GABRB1: variants seen among roughly 807,000 people sequenced by gnomAD.
The protein encoded by GABRB1 is gamma-aminobutyric acid receptor subunit beta-1.
In GABRB1, 17 loss-of-function variants were observed where a neutral mutation model predicts 51.6. The observed-to-expected ratio is 0.33, with a 90% confidence interval of 0.23 to 0.49. The LOEUF (loss-of-function observed/expected upper bound fraction) is 0.49, where lower values mean the gene tolerates loss of function less well. Among genes scored for constraint, GABRB1 ranks in the 20% least tolerant of loss-of-function variants. GABRB1 has a pLI of 0.99. For synonymous variants in GABRB1, 247 were observed against 218.9 expected, an observed-to-expected ratio of 1.13 and a Z score of -1.14; for missense variants, 410 against 600.6, an observed-to-expected ratio of 0.68 and a Z score of 3.32.
chr4:47,425,477 TGATGATA>T (rs1347722785), intron 8 of GABRB1, among the ~76,000 whole-genome samples, 190 bp from the exon 9 acceptor site: 15 of 94,114 alleles, frequency 1.6e-4, no homozygotes, highest in African/African-American at 5.5e-4. Flanking sequence ...GGATGGATGA[TGATGATA>T]GATAGATAGA....
chr4:47,166,897 T>C (rs1718214145), intron 4 of GABRB1, among the ~76,000 whole-genome samples: 1 of 152,142 alleles, frequency 6.6e-6, no homozygotes. Flanking sequence ...ATGAGAACTT[T>C]CACAGTTTTC....
At chr4:47,029,671 T>C (rs1725222859), upstream of GABRB1, among the ~76,000 whole-genome samples, 1 of 151,972 alleles carries the variant, frequency 6.6e-6, no homozygotes, top group Non-Finnish European at 1.5e-5. Flanking sequence ...GTTTTGAAAG[T>C]TTTGTTTTTT....
rs749558099 is a variant in GABRB1, at chr4:47,267,991, C to T, written c.462-52136C>T. Among the ~76,000 whole-genome samples the T allele has an allele frequency of 2.7e-4, 41 of 151,960 alleles. 1 individual carries two copies. Among genetic ancestry groups the T allele is most frequent in the Admixed American group, 5.2e-4 (8 of 15,256 alleles). ...AAGATAAAAAAATTTCAGAGAGGTT[C>T]CAGGAAGAAAACTTAAATCATATTC... is the stretch of plus-strand genomic sequence containing the variant. On this transcript the variant is annotated intron_variant, in intron 4 of 8. Coordinates refer to ENST00000295454, the MANE Select transcript of GABRB1 (RefSeq NM_000812.4).
intron 3 of GABRB1, among the ~76,000 whole-genome samples, chr4:47,061,992 G>C (rs1389651932): frequency 6.6e-6 from 1 of 152,172 alleles, no homozygotes; most frequent in Non-Finnish European, 1.5e-5. Context: ...AGATAGATCA[G>C]TGTCATATTT....
Position 47,235,427 on chromosome 4 carries a change from T to C in GABRB1, c.461+73958T>C, listed in dbSNP as rs189729106. The stretch of plus-strand genomic sequence containing the variant: ...AGCTGGGCGTGGTGGCACATGCCTG[T>C]AATTCCAGCTACTCAGGAGGGTGAG... On this transcript the variant is annotated intron_variant, in intron 4 of 8. Coordinates refer to ENST00000295454, the MANE Select transcript of GABRB1 (RefSeq NM_000812.4). Among the ~76,000 whole-genome samples, 6 of 152,204 alleles carry C rather than the reference T, an allele frequency of 3.9e-5. No individual in the cohort carries two copies. The East Asian group carries it at 1.2e-3, about 30-fold the overall frequency.
At chr4:47,348,682 T>C (rs998992927) in intron 5 of GABRB1, among the ~76,000 whole-genome samples, 2 of 152,218 alleles carry the variant, frequency 1.3e-5, no homozygotes, top group African/African-American at 4.8e-5. Context: ...AGAAGTTTTG[T>C]CTTTATCCTA....
At chr4:47,355,660 C>T (rs1396958270) in intron 5 of GABRB1, among the ~76,000 whole-genome samples, 2 of 152,244 alleles carry the variant, frequency 1.3e-5, no homozygotes, top group Middle Eastern at 3.4e-3. Flanking sequence ...AACATTTCTT[C>T]CCTGGGTTTC....
At chr4:47,104,927 G>A (rs933936933) in intron 3 of GABRB1, among the ~76,000 whole-genome samples, 24 of 151,746 alleles carry the variant, frequency 1.6e-4, no homozygotes, top group African/African-American at 5.3e-4. Flanking sequence ...ATCTATATCT[G>A]GTCCTATACA....
At chr4:47,266,129 T>C (rs1033060460) in intron 4 of GABRB1, among the ~76,000 whole-genome samples, 2 of 152,110 alleles carry the variant, frequency 1.3e-5, no homozygotes, top group African/African-American at 4.8e-5. Flanking sequence ...TACTGAGAGA[T>C]ATGAGAGCAG....
intron 4 of GABRB1, among the ~76,000 whole-genome samples, chr4:47,239,918 A>G (rs1217541893): frequency 6.6e-6 from 1 of 152,144 alleles, no homozygotes; most frequent in Non-Finnish European, 1.5e-5. Context: ...AAGGCAATCA[A>G]CTTCATGTAC....
chr4:47,356,390 A>G (rs1460611202), intron 5 of GABRB1, among the ~76,000 whole-genome samples: 1 of 152,230 alleles, frequency 6.6e-6, no homozygotes, highest in Non-Finnish European at 1.5e-5. Context: ...CTATTACAAA[A>G]GCATTCTCTG....
intron 4 of GABRB1, among the ~76,000 whole-genome samples, chr4:47,221,802 T>C (rs1180035871): frequency 6.6e-6 from 1 of 152,096 alleles, no homozygotes. Flanking sequence ...AACAGACCAA[T>C]ACATTTTCTT....
intron 3 of GABRB1, among the ~76,000 whole-genome samples, chr4:47,065,550 C>T (rs946647729): frequency 1.3e-5 from 2 of 152,242 alleles, no homozygotes; most frequent in East Asian, 1.9e-4. Context: ...CCTTTAGATA[C>T]TTCAGAATTG....
At chr4:47,014,460 AT>A (rs753735175) in intron 1 of GABRB1, among the ~76,000 whole-genome samples, 4 of 151,862 alleles carry the variant, frequency 2.6e-5, no homozygotes, top group Non-Finnish European at 2.9e-5. Flanking sequence ...TATAAAGCAA[AT>A]TTTTTTTCCT....
At chr4:47,118,316 G>A (rs1715597013) in intron 3 of GABRB1, among the ~76,000 whole-genome samples, 1 of 152,088 alleles carries the variant, frequency 6.6e-6, no homozygotes, top group African/African-American at 2.4e-5. Context: ...TATAACTAAA[G>A]AGACTCATTC....
intron 3 of GABRB1, among the ~76,000 whole-genome samples, chr4:47,149,618 A>T (rs749318886): frequency 1.3e-5 from 2 of 152,006 alleles, no homozygotes; most frequent in African/African-American, 2.4e-5. Flanking sequence ...CCATGCCATT[A>T]GTATGGAGGT....
At chr4:47,268,592 C>T (rs1431708515) in intron 4 of GABRB1, among the ~76,000 whole-genome samples, 1 of 152,120 alleles carries the variant, frequency 6.6e-6, no homozygotes, top group Non-Finnish European at 1.5e-5. Flanking sequence ...TCATAATCCC[C>T]ATTACTTAGT....
At chr4:47,334,807 A>T (rs1163467545) in intron 5 of GABRB1, among the ~76,000 whole-genome samples, 2 of 152,160 alleles carry the variant, frequency 1.3e-5, no homozygotes, top group Admixed American at 6.6e-5. Context: ...GAATTCTGAA[A>T]AGCATTTATC....
At chr4:47,062,690 C>T (rs1726893170) in intron 3 of GABRB1, among the ~76,000 whole-genome samples, 1 of 152,064 alleles carries the variant, frequency 6.6e-6, no homozygotes, top group Admixed American at 6.6e-5. Context: ...AAACTGTTCT[C>T]AAAGTCAGGA....
Sources: gnomAD v4.1 joint callset for allele counts (sites outside exome capture counted in the v4.1 genomes callset) on GRCh38, gnomAD v4.1.1 for gene constraint, MANE v1.5 for transcripts, NCBI Gene and HGNC (gene_info 2026-07-23, HGNC 2026-07-21) for gene names.